LIN52: variants seen among roughly 807,000 people sequenced by gnomAD.
LIN52 encodes protein lin-52 homolog.
LIN52 carries 4 observed loss-of-function variants against 18.5 expected under a neutral mutation model. That is an observed-to-expected ratio of 0.22 (90% confidence interval 0.11 to 0.49). LIN52 has a LOEUF of 0.49. Among genes scored for constraint, LIN52 ranks in the 20% least tolerant of loss-of-function variants. The pLI is 0.97. For synonymous variants in LIN52, 34 were observed against 45.5 expected (o/e 0.75, Z 1.02); for missense variants, 102 against 139.5 (o/e 0.73, Z 1.35).
chr14:74,100,133 A>G (rs895196004), intron 4 of LIN52, among the ~76,000 whole-genome samples: 1 of 152,206 alleles, frequency 6.6e-6, no homozygotes, highest in Non-Finnish European at 1.5e-5. Flanking sequence ...AGTCGAAATA[A>G]TGTGGACTTA....
chr14:74,191,923 C>T (rs1332729281), intron 5 of LIN52, among the ~76,000 whole-genome samples: 1 of 152,160 alleles, frequency 6.6e-6, no homozygotes, highest in African/African-American at 2.4e-5. Context: ...GCGTGAGCCA[C>T]CGCGCCCGGC....
chr14:74,116,258 A>G (rs1298915404), intron 5 of LIN52, among the ~76,000 whole-genome samples: 1 of 152,154 alleles, frequency 6.6e-6, no homozygotes, highest in African/African-American at 2.4e-5. Flanking sequence ...GGCCAAGATT[A>G]AGCCACTGCA....
intron 5 of LIN52, among the ~76,000 whole-genome samples, chr14:74,125,860 G>A (rs1160234355): frequency 1.4e-5 from 2 of 142,958 alleles, no homozygotes; most frequent in South Asian, 2.3e-4. Context: ...GACACAGGAA[G>A]GGGAACATCA....
At chr14:74,188,010 T>C (rs911868502) in intron 5 of LIN52, among the ~76,000 whole-genome samples, 1 of 152,196 alleles carries the variant, frequency 6.6e-6, no homozygotes, top group Non-Finnish European at 1.5e-5. Flanking sequence ...CTGTCATAAG[T>C]ATTAAAAGTT....
intron 2 of LIN52, among the ~76,000 whole-genome samples, chr14:74,095,058 C>T (rs118010398): frequency 0.022 from 3,340 of 151,988 alleles, 58 homozygotes; most frequent in Non-Finnish European, 0.031. Context: ...TAGCTTACTG[C>T]AGCCTCCAAC....
At chr14:74,152,252 A>G (rs980007515) in intron 5 of LIN52, among the ~76,000 whole-genome samples, 18 of 138,918 alleles carry the variant, frequency 1.3e-4, no homozygotes, top group Non-Finnish European at 2.5e-4. Flanking sequence ...GACAGAGCAA[A>G]CCTCCATCTC....
At chr14:74,136,809 C>G (rs540074309) in intron 5 of LIN52, among the ~76,000 whole-genome samples, 11 of 152,140 alleles carry the variant, frequency 7.2e-5, no homozygotes, top group Non-Finnish European at 1.6e-4. Flanking sequence ...CAGCTGCCCC[C>G]CTTAATCAGA....
chr14:74,173,402 G>A (rs775589840), intron 5 of LIN52, among the ~76,000 whole-genome samples: 49 of 152,090 alleles, frequency 3.2e-4, no homozygotes, highest in Non-Finnish European at 7.4e-5. Context: ...GGTCAGGCTC[G>A]TCTTGAACTC....
At chr14:74,086,120 T>C (rs1473903935) in intron 1 of LIN52, among the ~76,000 whole-genome samples, 2 of 152,170 alleles carry the variant, frequency 1.3e-5, no homozygotes, top group Non-Finnish European at 2.9e-5. Context: ...ATTATCTCAG[T>C]ATCTTCCTTG....
chr14:74,130,278 G>GTTTGTTTTTTT (rs1555382571), intron 5 of LIN52, among the ~76,000 whole-genome samples: 10 of 64,818 alleles, frequency 1.5e-4, no homozygotes, highest in African/African-American at 4.4e-4. Context: ...GCATTTTTTG[G>GTTTGTTTTTTT]TTTTTTTTTT....
At chr14:74,163,056 C>T (rs746695560) in intron 5 of LIN52, among the ~76,000 whole-genome samples, 2 of 152,104 alleles carry the variant, frequency 1.3e-5, no homozygotes, top group Non-Finnish European at 2.9e-5. Flanking sequence ...TAGGCACTTA[C>T]CCTTTCTATT....
At chr14:74,115,297 T>C (rs2060958161) in intron 5 of LIN52, among the ~76,000 whole-genome samples, 1 of 152,242 alleles carries the variant, frequency 6.6e-6, no homozygotes, top group Non-Finnish European at 1.5e-5. Flanking sequence ...GCCAACTTGA[T>C]AGGCAAAATA....
intron 5 of LIN52, among the ~76,000 whole-genome samples, chr14:74,138,440 A>G (rs780785128): frequency 1.2e-3 from 183 of 152,198 alleles, no homozygotes; most frequent in Non-Finnish European, 1.6e-3. Context: ...GGAGAATACA[A>G]TTTAGTGTGG....
chr14:74,153,118 GGGA>G (rs538721858), intron 5 of LIN52, among the ~76,000 whole-genome samples: 15 of 152,152 alleles, frequency 9.9e-5, no homozygotes, highest in Admixed American at 2.0e-4. Flanking sequence ...ATTTGGGAGT[GGGA>G]GGAGTTGTGC....
chr14:74,110,540 C>T (rs905305409), intron 5 of LIN52, among the ~76,000 whole-genome samples: 7 of 152,058 alleles, frequency 4.6e-5, no homozygotes, highest in Non-Finnish European at 1.5e-5. Flanking sequence ...CATGGTGGCG[C>T]ACGCCCATAG....
chr14:74,130,670 A>G (rs1429313001), intron 5 of LIN52, among the ~76,000 whole-genome samples: 2 of 141,654 alleles, frequency 1.4e-5, no homozygotes, highest in Non-Finnish European at 3.0e-5. Flanking sequence ...GCTCACTGCA[A>G]CCTCCACCCG....
At chr14:74,155,185 T>C (rs1381347686) in intron 5 of LIN52, among the ~76,000 whole-genome samples, 1 of 152,158 alleles carries the variant, frequency 6.6e-6, no homozygotes, top group Non-Finnish European at 1.5e-5. Context: ...CCTGTTAGAT[T>C]TCAGTGTGCT....
intron 5 of LIN52, among the ~76,000 whole-genome samples, chr14:74,105,225 G>A (rs2060889552): frequency 1.3e-5 from 2 of 152,042 alleles, no homozygotes; most frequent in Admixed American, 6.5e-5. Context: ...ACTGCTAACT[G>A]TATTTCTAAA....
intron 5 of LIN52, among the ~76,000 whole-genome samples, chr14:74,173,956 G>T (rs1345756253): frequency 1.3e-5 from 2 of 152,230 alleles, no homozygotes; most frequent in African/African-American, 4.8e-5. Flanking sequence ...ATAGAGGTAA[G>T]AGGTGCCTTT....
Sources: allele counts gnomAD v4.1 joint callset (sites outside exome capture counted in the v4.1 genomes callset), GRCh38; gene constraint gnomAD v4.1.1; transcripts MANE v1.5; gene names NCBI Gene and HGNC (gene_info 2026-07-23, HGNC 2026-07-21).